CIT: variants seen among roughly 807,000 people sequenced by gnomAD.
The protein encoded by CIT is citron rho-interacting serine/threonine kinase.
A neutral mutation model predicts 272.7 loss-of-function variants in CIT; 79 were observed. The observed-to-expected ratio is 0.29, with a 90% confidence interval of 0.24 to 0.35. The LOEUF (loss-of-function observed/expected upper bound fraction) is 0.35, where lower values mean the gene tolerates loss of function less well. Among genes scored for constraint, CIT ranks in the 10% least tolerant of loss-of-function variants. CIT has a pLI of 1.00. For missense variants in CIT, 1,909 were observed against 2,618.3 expected (o/e 0.73, Z 5.91); for synonymous variants, 948 against 995.6 (o/e 0.95, Z 0.90).
At chr12:119,742,779 A>T in intron 23 of CIT, 1 of 229,398 alleles carries the variant, frequency 4.4e-6, no homozygotes, top group Non-Finnish European at 8.5e-6. Flanking sequence ...ATGAAGTTTT[A>T]CTCTCCTTCA....
At chr12:119,708,856 T>C (rs1380749589) in intron 39 of CIT, among the ~76,000 whole-genome samples, 1 of 152,180 alleles carries the variant, frequency 6.6e-6, no homozygotes, top group East Asian at 1.9e-4. Flanking sequence ...GAGGGTGGAA[T>C]TCTGCAGACA....
intron 30 of CIT, among the ~76,000 whole-genome samples, chr12:119,720,254 T>A (rs1291118193): frequency 6.6e-6 from 1 of 152,238 alleles, no homozygotes; most frequent in East Asian, 1.9e-4. Context: ...ATGATTTGAA[T>A]GGTCATAAAC....
Position 119,718,935 on chromosome 12 carries a change from C to T in CIT, c.3841-74G>A, listed in dbSNP as rs184496269. 4.7e-6 allele frequency: 7 copies of T among 1,490,928 alleles called. No individual in the cohort carries two copies. The highest frequency in any genetic ancestry group is 2.3e-5 in the East Asian group (1 of 44,074). The allele number at this position is 1,490,928 out of a possible 1,614,324, so 92.4% of individuals were successfully genotyped here. On this transcript the variant is annotated intron_variant, in intron 30 of 47. Transcript: ENST00000392521. This position sits in a 1 kb window ranked among gnomAD's most constrained non-coding sequence, Gnocchi z 4.8. ...GAAACTAGCTAAAGGAAATCTGACT[C>T]GGGAGGAGCAAACCACAAAAGCCAG...
At position 119,770,925 on chromosome 12, in the gene CIT, T is replaced by A; in HGVS notation, c.2083-15A>T. The A allele has an allele frequency of 6.2e-7, 1 of 1,612,404 alleles. No homozygotes were observed. The highest frequency in any genetic ancestry group is 8.5e-7 in the Non-Finnish European group (1 of 1,179,760). On this transcript the variant is annotated splice_polypyrimidine_tract_variant and intron_variant, in intron 17 of 47. Transcript: ENST00000392521. The surrounding 1 kb of genome is among the most constrained non-coding windows in gnomAD (Gnocchi z 4.4). Reference sequence around the variant, plus strand: ...TGGCGGCGTTCCTGTAGATCATGAATCAATCAGAGAGTTTTAATGGAGTAA... The same window carrying A: ...TGGCGGCGTTCCTGTAGATCATGAAACAATCAGAGAGTTTTAATGGAGTAA...
intron 7 of CIT, among the ~76,000 whole-genome samples, chr12:119,826,235 T>G (rs1446476761): frequency 6.6e-6 from 1 of 152,144 alleles, no homozygotes; most frequent in Non-Finnish European, 1.5e-5. Context: ...GTTAATGAGT[T>G]CTTTTTCCTC....
At position 119,877,275 on chromosome 12, in the gene CIT, C is replaced by G. The variant is rs1950885233; in HGVS notation, c.-40G>C. 1 of 152,284 alleles carries G rather than the reference C, an allele frequency of 6.6e-6. No individual in the cohort carries two copies. Among genetic ancestry groups the G allele is most frequent in the African/African-American group, 2.4e-5 (1 of 41,470 alleles). The allele number at this position is 152,284 out of a possible 1,614,324, so 9.4% of individuals were successfully genotyped here. On this transcript the variant is annotated 5_prime_UTR_variant, in exon 1 of 48. Transcript: ENST00000392521. ...CTCTGCGAACCCCCAGGTCTGCGATCTGTTCCGCCCCGCGCCTCCCGCCGC... is the reference window on the plus strand; with the variant it reads ...CTCTGCGAACCCCCAGGTCTGCGATGTGTTCCGCCCCGCGCCTCCCGCCGC...
chr12:119,763,178 C>T (rs889396170), intron 19 of CIT, among the ~76,000 whole-genome samples: 4 of 80,234 alleles, frequency 5.0e-5, no homozygotes, highest in African/African-American at 2.1e-4. Context: ...AGAGATTCCA[C>T]TAAAGACATC....
At chr12:119,834,007 T>A in intron 6 of CIT, 79 bp downstream of exon 6, 1 of 1,368,946 alleles carries the variant, frequency 7.3e-7, no homozygotes, top group East Asian at 2.4e-5. Flanking sequence ...AAATCACTCA[T>A]CCACTCATTT....
chr12:119,820,675 T>C (rs1442337676), intron 9 of CIT, among the ~76,000 whole-genome samples: 3 of 151,852 alleles, frequency 2.0e-5, no homozygotes, highest in African/African-American at 7.3e-5. Context: ...AAATAAAAGA[T>C]TTATTAAAAT....
chr12:119,865,210 G>A (rs1479523705), intron 3 of CIT, among the ~76,000 whole-genome samples: 1 of 152,128 alleles, frequency 6.6e-6, no homozygotes, highest in Non-Finnish European at 1.5e-5. Context: ...ACTAAACCAA[G>A]TCTTCTGATC....
intron 5 of CIT, among the ~76,000 whole-genome samples, chr12:119,844,178 TGCCTGG>T (rs1969625020): frequency 6.6e-6 from 1 of 151,920 alleles, no homozygotes; most frequent in Admixed American, 6.6e-5. Flanking sequence ...CCCACCATCA[TGCCTGG>T]CTAATTTTTG....
intron 4 of CIT, among the ~76,000 whole-genome samples, chr12:119,855,468 C>T (rs1013827343): frequency 1.3e-5 from 2 of 151,878 alleles, no homozygotes. Flanking sequence ...CTCTGAAGAC[C>T]CCTTCCAGCT....
chr12:119,815,104 CAA>C (rs1491292772), intron 9 of CIT, among the ~76,000 whole-genome samples: 1 of 73,650 alleles, frequency 1.4e-5, no homozygotes, highest in African/African-American at 5.9e-5. Context: ...CACACACACA[CAA>C]CACACACACA....
intron 13 of CIT, among the ~76,000 whole-genome samples, chr12:119,777,754 C>T (rs926065836): frequency 4.6e-5 from 7 of 151,878 alleles, no homozygotes; most frequent in Admixed American, 1.3e-4. Flanking sequence ...ACATGCAAAT[C>T]ACACCATACG....
At position 119,697,408 on chromosome 12, in the gene CIT, C is replaced by T. The variant is rs183183409; in HGVS notation, c.5882+251G>A. Among the ~76,000 whole-genome samples the T allele has an allele frequency of 6.6e-6, 1 of 152,284 alleles. No individual in the cohort carries two copies. Among genetic ancestry groups the T allele is most frequent in the Admixed American group, 6.5e-5 (1 of 15,300 alleles). On this transcript the variant is annotated intron_variant, in intron 46 of 47. Transcript: ENST00000392521. The surrounding 1 kb of genome is among the most constrained non-coding windows in gnomAD (Gnocchi z 4.9). Reference sequence around the variant, plus strand: ...AATTTGTGCTCCATTTCTCACCAAGCCAATGAAAATACCCAGGAGAGAAAG... The same window carrying T: ...AATTTGTGCTCCATTTCTCACCAAGTCAATGAAAATACCCAGGAGAGAAAG...
At chr12:119,709,785 AGAGT>A (rs1447411970) in intron 39 of CIT, among the ~76,000 whole-genome samples, 51 of 52,486 alleles carry the variant, frequency 9.7e-4, no homozygotes, top group Non-Finnish European at 1.3e-3. Context: ...AGAGAGAGAG[AGAGT>A]GTGTGTGTGT....
chr12:119,792,076 T>G (rs971197728), intron 10 of CIT, among the ~76,000 whole-genome samples: 47 of 152,334 alleles, frequency 3.1e-4, no homozygotes, highest in Non-Finnish European at 6.2e-4. Flanking sequence ...CAAAAGAGAA[T>G]ACAATGTGTA....
chr12:119,838,638 A>G (rs879486327), intron 5 of CIT, among the ~76,000 whole-genome samples: 1 of 152,210 alleles, frequency 6.6e-6, no homozygotes, highest in Admixed American at 6.5e-5. Context: ...GAAAGTTTCC[A>G]TAGCAGCAAT....
rs780440870 is a variant in CIT at position 119,857,531 on chromosome 12, G to T, written c.406C>A (p.Gln136Lys). Reference sequence around the variant, plus strand: ...TGTTAAAATCCTCCTACCTGCTCCTGGGCCAATAAAGCCTTCTTCTTCATC... The same window carrying T: ...TGTTAAAATCCTCCTACCTGCTCCTTGGCCAATAAAGCCTTCTTCTTCATC... ...KVMKKKALLA[Q>K]EQVSFFEEER... is the part of the protein sequence containing the mutation. Residue 136 changes from glutamine (Q) to lysine (K), a missense_variant, in exon 4 of 48, where the codon CAG becomes AAG. Coordinates refer to ENST00000392521, the MANE Select transcript of CIT (RefSeq NM_001206999.2). The T allele has an allele frequency of 6.2e-7, 1 of 1,613,904 alleles. No individual in the cohort carries two copies. Among genetic ancestry groups the T allele is most frequent in the African/African-American group, 1.3e-5 (1 of 74,918 alleles).
Sources: allele counts gnomAD v4.1 joint callset (sites outside exome capture counted in the v4.1 genomes callset), GRCh38; gene constraint gnomAD v4.1.1; non-coding constraint Gnocchi (gnomAD v3.1); transcripts MANE v1.5; gene names NCBI Gene and HGNC (gene_info 2026-07-23, HGNC 2026-07-21).